The following ABLIM1 variants were observed in gnomAD, a reference collection of about 807,000 sequenced individuals.
ABLIM1 encodes the protein actin binding LIM protein 1, also known as actin-binding LIM protein 1.
Under a neutral mutation model 107.0 loss-of-function variants are expected in ABLIM1, and 40 were observed. The observed-to-expected ratio is 0.37, with a 90% CI of 0.29 to 0.49. The LOEUF (loss-of-function observed/expected upper bound fraction) is 0.49, where lower values mean the gene tolerates loss of function less well. Ranked by LOEUF, ABLIM1 falls within the 20% of genes least tolerant of loss-of-function variation. The pLI, the probability that ABLIM1 is intolerant of heterozygous loss-of-function variation, is 0.97. For missense variants in ABLIM1, 857 were observed against 1,008.5 expected, an observed-to-expected ratio of 0.85 and a Z score of 2.04; for synonymous variants, 357 against 357.3, an observed-to-expected ratio of 1.00 and a Z score of 0.01.
intron 4 of ABLIM1, among the ~76,000 whole-genome samples, chr10:114,553,964 G>A (rs1273716700): frequency 6.6e-6 from 1 of 152,208 alleles, no homozygotes; most frequent in Non-Finnish European, 1.5e-5. Flanking sequence ...GAGTCCACCT[G>A]AGAAAGGTGC....
At chr10:114,514,000 A>G (rs1202887998) in intron 6 of ABLIM1, among the ~76,000 whole-genome samples, 1 of 152,206 alleles carries the variant, frequency 6.6e-6, no homozygotes, top group Non-Finnish European at 1.5e-5. Context: ...CATCTGTCCT[A>G]CAGGCTCCAC....
chr10:114,566,926 G>A (rs1565954607), intron 4 of ABLIM1, among the ~76,000 whole-genome samples: 3 of 152,194 alleles, frequency 2.0e-5, no homozygotes, highest in Admixed American at 6.5e-5. Flanking sequence ...GTGCATGCCT[G>A]TAATCCCAGC....
intron 1 of ABLIM1, among the ~76,000 whole-genome samples, chr10:114,666,432 T>C (rs1219673610): frequency 1.3e-5 from 2 of 152,092 alleles, no homozygotes; most frequent in African/African-American, 4.8e-5. Context: ...TCTACCAAAA[T>C]AAATCACAAA....
chr10:114,600,267 A>G (rs141230992), intron 2 of ABLIM1, among the ~76,000 whole-genome samples: 1 of 152,230 alleles, frequency 6.6e-6, no homozygotes, highest in Non-Finnish European at 1.5e-5. Flanking sequence ...GTTGGGTGAA[A>G]ACTGGGGTTT....
chr10:114,450,221 A>C (rs1589791375), intron 14 of ABLIM1: 1 of 203,722 alleles, frequency 4.9e-6, no homozygotes, highest in South Asian at 7.0e-5. Context: ...TAAAAAAAAA[A>C]AAACAAAAAC....
intron 20 of ABLIM1, chr10:114,439,789 A>G: frequency 2.0e-6 from 1 of 493,546 alleles, no homozygotes; most frequent in Non-Finnish European, 3.6e-6. Context: ...ACTGTATATG[A>G]GCAGACCCTT....
At chr10:114,791,955 C>A in the ABLIM1 span, among the ~76,000 whole-genome samples, 1 of 152,226 alleles carries the variant, frequency 6.6e-6, no homozygotes, top group Non-Finnish European at 1.5e-5. Flanking sequence ...ATTTACAACT[C>A]TTAACTTACT....
At chr10:114,750,474 G>T (rs1422929270) in intron 1 of ABLIM1, among the ~76,000 whole-genome samples, 1 of 152,150 alleles carries the variant, frequency 6.6e-6, no homozygotes, top group Non-Finnish European at 1.5e-5. Flanking sequence ...AAGTAAAAAG[G>T]TTGTTGATAA....
In ABLIM1 at chr10:114,667,388, T is replaced by C. The variant is rs1157408528; in HGVS notation, c.64+16902A>G. On this transcript the variant is annotated intron_variant, in intron 1 of 23. Coordinates refer to the ABLIM1 transcript ENST00000369256. The stretch of plus-strand genomic sequence containing the variant: ...TCCTAATAACAAATACAAGAGCATG[T>C]CTGCTCCTCTCCCTATTATATTATT... Among the ~76,000 whole-genome samples the C allele has an allele frequency of 2.0e-5, 3 of 152,348 alleles. No homozygotes were observed. In the East Asian group the frequency reaches 5.8e-4, roughly 29 times the overall value.
chr10:114,603,953 CAAA>C (rs56037072), intron 1 of ABLIM1, among the ~76,000 whole-genome samples: 1,687 of 131,204 alleles, frequency 0.013, 22 homozygotes, highest in African/African-American at 0.045. Flanking sequence ...GACTTTGTCT[CAAA>C]AAAAAAAAAA....
At chr10:114,497,580 G>A (rs2059845681) in intron 6 of ABLIM1, among the ~76,000 whole-genome samples, 1 of 151,300 alleles carries the variant, frequency 6.6e-6, no homozygotes, top group Admixed American at 6.6e-5. Context: ...TACTTGGGAG[G>A]CTGAGGCAGG....
intron 1 of ABLIM1, among the ~76,000 whole-genome samples, chr10:114,649,400 AAAATAAATAAAT>A (rs57772186): frequency 0.02 from 2,678 of 136,278 alleles, 48 homozygotes; most frequent in African/African-American, 0.054. Flanking sequence ...AGACTCTGTC[AAAATAAATAAAT>A]AAATAAATAA....
chr10:114,737,847 C>G (rs1011639822), intron 1 of ABLIM1, among the ~76,000 whole-genome samples: 3 of 152,126 alleles, frequency 2.0e-5, no homozygotes, highest in African/African-American at 7.2e-5. Flanking sequence ...TCACCAGCAT[C>G]AGTTCAGCCT....
At chr10:114,444,292 G>T (rs942165370) in intron 16 of ABLIM1, among the ~76,000 whole-genome samples, 158 bp from the exon 17 acceptor site, 3 of 152,176 alleles carry the variant, frequency 2.0e-5, no homozygotes, top group African/African-American at 7.2e-5. Context: ...TCCTGAAGAG[G>T]TAGGTCAAGT....
intron 6 of ABLIM1, among the ~76,000 whole-genome samples, chr10:114,518,772 T>C (rs1199439047): frequency 1.3e-5 from 2 of 151,726 alleles, no homozygotes; most frequent in Non-Finnish European, 2.9e-5. Flanking sequence ...CAAACAAGTG[T>C]ACTTACTCAG....
intron 1 of ABLIM1, among the ~76,000 whole-genome samples, chr10:114,694,355 C>G (rs767413586): frequency 2.3e-4 from 35 of 152,084 alleles, no homozygotes; most frequent in Non-Finnish European, 4.6e-4. Context: ...GTTGCTGGCT[C>G]CTGGAAGGGA....
At chr10:114,622,970 GT>G (rs1301956171) in intron 1 of ABLIM1, among the ~76,000 whole-genome samples, 1 of 151,760 alleles carries the variant, frequency 6.6e-6, no homozygotes, top group East Asian at 1.9e-4. Flanking sequence ...CCTTTTTTTC[GT>G]TTGTTTTCTG....
chr10:114,689,298 T>A (rs1408121928), upstream of ABLIM1, among the ~76,000 whole-genome samples: 1 of 152,016 alleles, frequency 6.6e-6, no homozygotes, highest in Non-Finnish European at 1.5e-5. Context: ...ATAATACCCA[T>A]CCTATCTACC....
intron 1 of ABLIM1, among the ~76,000 whole-genome samples, chr10:114,652,356 A>G (rs116916402): frequency 1.3e-5 from 2 of 152,324 alleles, no homozygotes; most frequent in East Asian, 1.9e-4. Flanking sequence ...AAAATATTAT[A>G]GTGTTATATG....
Sources: allele counts gnomAD v4.1 joint callset (sites outside exome capture counted in the v4.1 genomes callset), GRCh38; gene constraint gnomAD v4.1.1; transcripts MANE v1.5; gene names NCBI Gene and HGNC (gene_info 2026-07-23, HGNC 2026-07-21).